The following ANKFN1 variants were observed in gnomAD, a reference collection of about 807,000 sequenced individuals.
The protein encoded by ANKFN1 is ankyrin repeat and fibronectin type III domain containing 1.
Under a neutral mutation model 108.7 loss-of-function variants are expected in ANKFN1, and 74 were observed. That is an observed-to-expected ratio of 0.68 (90% CI 0.56 to 0.83). The LOEUF is 0.83. Among genes scored for constraint, ANKFN1 ranks in the 40% least tolerant of loss-of-function variants. The probability of loss-of-function intolerance (pLI) is 0.00; values close to 1 mark genes in which losing one functional copy is unlikely to be tolerated. For synonymous variants in ANKFN1, 547 were observed against 516.2 expected, an observed-to-expected ratio of 1.06 and a Z score of -0.81; for missense variants, 1,505 against 1,382.3, an observed-to-expected ratio of 1.09 and a Z score of -1.41.
At chr17:56,245,528 A>G (rs1435968066) in intron 3 of ANKFN1, among the ~76,000 whole-genome samples, 1 of 152,138 alleles carries the variant, frequency 6.6e-6, no homozygotes, top group African/African-American at 2.4e-5. Context: ...TGCTAACTTT[A>G]AACCCTAAAT....
At chr17:56,189,244 C>A (rs1912626432) in intron 1 of ANKFN1, among the ~76,000 whole-genome samples, 1 of 131,416 alleles carries the variant, frequency 7.6e-6, no homozygotes, top group Non-Finnish European at 1.5e-5. Context: ...GATCTCGGCT[C>A]ACTGCAAGCT....
chr17:56,191,966 A>G (rs1191286516), intron 1 of ANKFN1, among the ~76,000 whole-genome samples: 3 of 151,342 alleles, frequency 2.0e-5, no homozygotes, highest in East Asian at 2.0e-4. Flanking sequence ...CATTCATTTC[A>G]TCTTCCATTG....
At chr17:56,203,986 A>G in intron 1 of ANKFN1, among the ~76,000 whole-genome samples, 1 of 151,948 alleles carries the variant, frequency 6.6e-6, no homozygotes, top group East Asian at 1.9e-4. Flanking sequence ...ATGATATCTT[A>G]ATGGTCCCCC....
chr17:56,266,700 G>C (rs2043661101), intron 3 of ANKFN1, among the ~76,000 whole-genome samples: 1 of 152,012 alleles, frequency 6.6e-6, no homozygotes, highest in Non-Finnish European at 1.5e-5. Context: ...GAATGTTTCT[G>C]CATCTTTTGT....
chr17:56,151,560 C>A (rs975964381), upstream of ANKFN1, among the ~76,000 whole-genome samples: 4 of 152,010 alleles, frequency 2.6e-5, no homozygotes, highest in African/African-American at 9.7e-5. Flanking sequence ...TAAATGGGGC[C>A]TCTTTAGAGT....
At chr17:56,485,303 C>G (rs533593090) in intron 18 of ANKFN1, among the ~76,000 whole-genome samples, 1 of 152,316 alleles carries the variant, frequency 6.6e-6, no homozygotes, top group South Asian at 2.1e-4. Context: ...GTGAAGTAAG[C>G]TGCACTTTAT....
At chr17:56,434,942 A>G (rs528058961) in intron 8 of ANKFN1, among the ~76,000 whole-genome samples, 1 of 152,306 alleles carries the variant, frequency 6.6e-6, no homozygotes, top group South Asian at 2.1e-4. Flanking sequence ...GAATGTGGCC[A>G]GTAAGAATGC....
intron 4 of ANKFN1, among the ~76,000 whole-genome samples, chr17:56,065,175 T>C (rs1457771843): frequency 6.6e-5 from 10 of 152,192 alleles, no homozygotes. Flanking sequence ...GCCCTGCACC[T>C]CATTGTCTTA....
At chr17:56,189,179 T>TTTTTTTTTTTTTTTTTTTTTTTTGTTTTG in intron 1 of ANKFN1, among the ~76,000 whole-genome samples, 1 of 111,378 alleles carries the variant, frequency 9.0e-6, no homozygotes, top group Admixed American at 9.5e-5. Context: ...ACTTTTTTTT[T>TTTTTTTTTTTTTTTTTTTTTTTTGTTTTG]TTTTTTTTTG....
rs1388843241 is a variant in ANKFN1 at position 56,510,645 on chromosome 17, C to A, written c.2817C>A (p.Val939=). ...GCCTAAGCGGCAGCGCCCCCGACGT[C>A]CTGCAAGTGCACGACGTGAAAACCC... ...LSGLSGSAPD[V]LQVHDVKTPL... Residue 939 remains valine (V), a synonymous_variant, in exon 21 of 21, where the codon GTC becomes GTA. Transcript: ENST00000682825. 1 of 1,536,180 alleles carries A rather than the reference C, an allele frequency of 6.5e-7. No individual in the cohort carries two copies. The highest frequency in any genetic ancestry group is 8.7e-7 in the Non-Finnish European group (1 of 1,146,914).
intron 1 of ANKFN1, among the ~76,000 whole-genome samples, chr17:56,162,930 G>A (rs1171580691): frequency 6.6e-6 from 1 of 151,738 alleles, no homozygotes; most frequent in Admixed American, 6.6e-5. Flanking sequence ...AGCTACTTAC[G>A]AAGCTGAGGC....
intron 3 of ANKFN1, among the ~76,000 whole-genome samples, chr17:56,294,189 C>A (rs1231869518): frequency 6.6e-6 from 1 of 152,152 alleles, no homozygotes; most frequent in East Asian, 1.9e-4. Flanking sequence ...CTTCTCAAAC[C>A]AAACACTAGA....
At chr17:56,409,524 T>A (rs1477185861) in intron 8 of ANKFN1, among the ~76,000 whole-genome samples, 1 of 152,112 alleles carries the variant, frequency 6.6e-6, no homozygotes, top group Non-Finnish European at 1.5e-5. Context: ...TTGAAGAACA[T>A]CTCATACTAG....
At position 56,492,260 on chromosome 17, in the gene ANKFN1, T is replaced by A; in HGVS notation, c.2334T>A (p.Ser778=). ...TTTCTGCTGTTGTGGAGCTGGATTC[T>A]CTGAACACCCAACAGTCCCTCAGGG... ...CRLSAVVELD[S]LNTQQSLREA... is the part of the protein sequence containing the mutation. Residue 778 remains serine (S), a synonymous_variant, in exon 19 of 21, where the codon TCT becomes TCA. Coordinates refer to ENST00000682825, the MANE Select transcript of ANKFN1 (RefSeq NM_001370326.1). 1 of 702,668 alleles carries A rather than the reference T, an allele frequency of 1.4e-6. No individual in the cohort carries two copies. The highest frequency in any genetic ancestry group is 2.6e-6 in the Non-Finnish European group (1 of 384,782). The allele number at this position is 702,668 out of a possible 1,614,324, so 43.5% of individuals were successfully genotyped here. A position where few individuals can be genotyped will look rare whatever the true frequency, so the allele number is the denominator to read the frequency against.
chr17:56,124,329 G>A (rs1402714875), intron 4 of ANKFN1, among the ~76,000 whole-genome samples: 1 of 152,182 alleles, frequency 6.6e-6, no homozygotes, highest in Non-Finnish European at 1.5e-5. Context: ...TCACGGAGCT[G>A]GTGGGTTCAG....
At chr17:56,287,803 C>T (rs1373519352) in intron 3 of ANKFN1, among the ~76,000 whole-genome samples, 1 of 152,104 alleles carries the variant, frequency 6.6e-6, no homozygotes, top group Non-Finnish European at 1.5e-5. Flanking sequence ...GGGATATAGG[C>T]CAATATTAAA....
intron 4 of ANKFN1, among the ~76,000 whole-genome samples, chr17:56,077,866 A>T (rs1221799238): frequency 6.6e-6 from 1 of 152,202 alleles, no homozygotes; most frequent in African/African-American, 2.4e-5. Flanking sequence ...CATTAGCTGC[A>T]TGCCACTTAC....
intron 6 of ANKFN1, among the ~76,000 whole-genome samples, chr17:56,371,206 CA>C (rs2046803206): frequency 6.6e-6 from 1 of 151,922 alleles, no homozygotes; most frequent in Non-Finnish European, 1.5e-5. Context: ...ATTCATTAAC[CA>C]TGACAAATCT....
intron 4 of ANKFN1, among the ~76,000 whole-genome samples, chr17:56,344,014 A>G (rs2046030816): frequency 6.6e-6 from 1 of 151,988 alleles, no homozygotes; most frequent in African/African-American, 2.4e-5. Context: ...CTCTTTGAAC[A>G]TATTTAAAAT....
Sources: gnomAD v4.1 joint callset for allele counts (sites outside exome capture counted in the v4.1 genomes callset) on GRCh38, gnomAD v4.1.1 for gene constraint, MANE v1.5 for transcripts, NCBI Gene and HGNC (gene_info 2026-07-23, HGNC 2026-07-21) for gene names.